Variants in NCOA4 observed in about 807,000 individuals in gnomAD.
The protein encoded by NCOA4 is 70 kDa AR-activator.
NCOA4 carries 31 observed loss-of-function variants against 69.5 expected under a neutral mutation model. That is an observed-to-expected ratio of 0.45 (90% CI 0.34 to 0.60). NCOA4 has a LOEUF of 0.60. Ranked by LOEUF, NCOA4 falls within the 20% of genes least tolerant of loss-of-function variation. The pLI, the probability that NCOA4 is intolerant of heterozygous loss-of-function variation, is 0.02. For missense variants in NCOA4, 600 were observed against 719.2 expected (o/e 0.83, Z 1.90); for synonymous variants, 228 against 252.4 (o/e 0.90, Z 0.92).
At chr10:46,027,306 G>T in intron 1 of NCOA4, 290 of 515,642 alleles carry the variant, frequency 5.6e-4, no homozygotes, top group Middle Eastern at 1.1e-3. Context: ...TAAGACTTAA[G>T]ACTGTAGTCA....
intron 1 of NCOA4, among the ~76,000 whole-genome samples, chr10:46,022,678 G>A (rs1554924723): frequency 6.6e-6 from 1 of 152,062 alleles, no homozygotes; most frequent in Non-Finnish European, 1.5e-5. Flanking sequence ...TGTTAGCCAG[G>A]ATGGTCTCGA....
intron 7 of NCOA4, among the ~76,000 whole-genome samples, 198 bp from the exon 8 acceptor site, chr10:46,011,404 A>C (rs1839194666): frequency 6.6e-6 from 1 of 150,418 alleles, no homozygotes; most frequent in South Asian, 2.1e-4. Context: ...AGTAGCTGGG[A>C]CTATAGGCGC....
At position 46,030,600 on chromosome 10, in the gene NCOA4, G is replaced by C. The variant is rs1358757096; in HGVS notation, c.-89C>G. The C allele has an allele frequency of 4.6e-5, 7 of 152,300 alleles. No individual in the cohort carries two copies. The highest frequency in any genetic ancestry group is 2.0e-4 in the Admixed American group (3 of 15,282). The allele number at this position is 152,300 out of a possible 1,614,324, so 9.4% of individuals were successfully genotyped here. On this transcript the variant is annotated 5_prime_UTR_variant, in exon 1 of 10. Transcript: ENST00000581486. ...AGACACGGCCCCACACTAACCTACG[G>C]CCCAAAGGCAGAGTTCTCGCGACAA...
chr10:46,027,600 G>A, intron 1 of NCOA4: 1 of 906,902 alleles, frequency 1.1e-6, no homozygotes. Context: ...AGCAAGAAGA[G>A]TAATAAAAAA....
chr10:46,010,293 C>T lies in NCOA4; in HGVS notation c.1628G>A (p.Gly543Glu), dbSNP rs781883220. 2 of 1,613,936 alleles carry T rather than the reference C, an allele frequency of 1.2e-6. No individual in the cohort carries two copies. The highest frequency in any genetic ancestry group is 1.7e-6 in the Non-Finnish European group (2 of 1,179,972). The change falls in exon 8 of 10, where the codon GGA becomes GAA. Residue 543 changes from glycine (G) to glutamate (E), a missense_variant. Coordinates refer to ENST00000581486, the MANE Select transcript of NCOA4 (RefSeq NM_001145263.2). ...SFNTADWVLP[G>E]KKMGNLSQLS... ...CTGGCTGAGGTTGCCCATCTTCTTT[C>T]CTGGCAGGACCCAGTCAGCTGTGTT... is the stretch of plus-strand genomic sequence containing the variant.
chr10:46,022,325 T>C (rs1214307914), intron 1 of NCOA4: 2 of 416,978 alleles, frequency 4.8e-6, no homozygotes, highest in East Asian at 1.4e-4. Flanking sequence ...TTGGTTATCT[T>C]TGATGAGACA....
At chr10:46,026,044 T>G (rs1840142688) in intron 1 of NCOA4, among the ~76,000 whole-genome samples, 1 of 152,220 alleles carries the variant, frequency 6.6e-6, no homozygotes, top group African/African-American at 2.4e-5. Flanking sequence ...TAAGACATTT[T>G]GGACAAACGG....
chr10:46,017,542 C>A (rs893228025), intron 1 of NCOA4, among the ~76,000 whole-genome samples: 11 of 151,482 alleles, frequency 7.3e-5, no homozygotes, highest in Non-Finnish European at 1.5e-4. Context: ...AACTCTGTCT[C>A]AAAACAACAA....
chr10:46,014,716 A>G (rs1450946766), intron 4 of NCOA4, 138 bp downstream of exon 4: 1 of 790,168 alleles, frequency 1.3e-6, no homozygotes, highest in African/African-American at 1.7e-5. Context: ...TATAATATTA[A>G]ATACATGAAG....
At chr10:46,023,312 C>G (rs1839992115) in intron 1 of NCOA4, 1 of 985,498 alleles carries the variant, frequency 1.0e-6, no homozygotes, top group African/African-American at 1.7e-5. Context: ...GCTACGGCCC[C>G]TGGGCTGCCA....
chr10:46,014,575 G>C, intron 4 of NCOA4, 23 bp from the exon 5 acceptor site: 1 of 1,534,434 alleles, frequency 6.5e-7, no homozygotes, highest in Non-Finnish European at 8.9e-7. Context: ...AAACAAAATT[G>C]GCTATTTTTA....
intron 1 of NCOA4, chr10:46,022,453 A>T: frequency 2.1e-6 from 1 of 466,030 alleles, no homozygotes; most frequent in African/African-American, 2.0e-5. Flanking sequence ...TCTTTTTTTT[A>T]AAGGTTGGTT....
chr10:46,023,458 C>G lies in NCOA4; in HGVS notation c.-14-6764G>C, dbSNP rs1022067101. 3.1e-5 allele frequency: 31 copies of G among 985,662 alleles called. No homozygotes were observed. The African/African-American group carries it at 4.7e-4, about 15-fold the overall frequency. The allele number at this position is 985,662 out of a possible 1,614,324, so 61.1% of individuals were successfully genotyped here. ...CACGCGTCACACGGCAACTCCAGTTCGCCCGGGCCACTAGCGAGCTGGAGC... is the reference window on the plus strand; with the variant it reads ...CACGCGTCACACGGCAACTCCAGTTGGCCCGGGCCACTAGCGAGCTGGAGC... On this transcript the variant is annotated intron_variant, in intron 1 of 9. Coordinates refer to ENST00000581486, the MANE Select transcript of NCOA4 (RefSeq NM_001145263.2).
intron 1 of NCOA4, chr10:46,022,510 G>GGCT (rs1159399314): frequency 4.9e-5 from 22 of 453,232 alleles, no homozygotes; most frequent in African/African-American, 3.9e-4. Context: ...CTGCCGCCCA[G>GGCT]GCTGGAGTGC....
In NCOA4 at chr10:46,010,768, C is replaced by G. The variant is rs1554921150; in HGVS notation, c.1153G>C (p.Val385Leu). ...AKKPLSTPSM[V>L]TEDWLVQNHQ... ...TTCTGGACAAGCCAATCCTCTGTAA[C>G]CATGCTGGGGGTGGACAATGGTTTC... Residue 385 changes from valine (V) to leucine (L), a missense_variant, in exon 8 of 10, where the codon GTT becomes CTT. Transcript: ENST00000581486. 2 of 1,613,924 alleles carry G rather than the reference C, an allele frequency of 1.2e-6. No homozygotes were observed. Among genetic ancestry groups the G allele is most frequent in the Non-Finnish European group, 8.5e-7 (1 of 1,179,860 alleles).
chr10:46,009,292 TATAC>T (rs1839052838), intron 9 of NCOA4, 115 bp downstream of exon 9: 2 of 1,468,434 alleles, frequency 1.4e-6, no homozygotes, highest in Admixed American at 3.6e-5. Context: ...ACTTGCCTAA[TATAC>T]ATACTATTAA....
intron 7 of NCOA4, among the ~76,000 whole-genome samples, chr10:46,011,678 G>A (rs1554921672): frequency 6.6e-6 from 1 of 152,114 alleles, no homozygotes; most frequent in Non-Finnish European, 1.5e-5. Flanking sequence ...GATAGAAAAG[G>A]GTGTAATATG....
Position 46,010,282 on chromosome 10 carries a change from C to G in NCOA4, c.1639G>C (p.Gly547Arg). The change falls in exon 8 of 10, where the codon GGC (glycine) becomes CGC (arginine). Residue 547 changes from glycine to arginine, a missense_variant. By Grantham distance (125) the Gly-to-Arg change is moderately radical. Transcript: ENST00000581486. ...CCAGAAGATAACTGGCTGAGGTTGC[C>G]CATCTTCTTTCCTGGCAGGACCCAG... ...ADWVLPGKKM[G>R]NLSQLSSGED... 6.2e-7 allele frequency: 1 copy of G among 1,613,886 alleles called. No individual in the cohort carries two copies. Among genetic ancestry groups the G allele is most frequent in the Non-Finnish European group, 8.5e-7 (1 of 1,179,956 alleles).
chr10:46,027,439 A>G, intron 1 of NCOA4: 1 of 1,551,552 alleles, frequency 6.4e-7, no homozygotes, highest in Non-Finnish European at 8.7e-7. Flanking sequence ...TACCAGCTAG[A>G]GCAAAAGTGG....
Sources: gnomAD v4.1 joint callset for allele counts (sites outside exome capture counted in the v4.1 genomes callset) on GRCh38, gnomAD v4.1.1 for gene constraint, MANE v1.5 for transcripts, NCBI Gene and HGNC (gene_info 2026-07-23, HGNC 2026-07-21) for gene names.